MEGF11: variants seen among roughly 807,000 people sequenced by gnomAD.
The protein encoded by MEGF11 is multiple EGF like domains 11, also known as multiple epidermal growth factor-like domains protein 11.
MEGF11 carries 126 observed loss-of-function variants against 146.6 expected under a neutral mutation model. That is an observed-to-expected ratio of 0.86 (90% CI 0.74 to 1.00). The LOEUF (loss-of-function observed/expected upper bound fraction) is 1.00, where lower values mean the gene tolerates loss of function less well. MEGF11 is among the 50% of genes least tolerant of loss of function. The pLI, the probability that MEGF11 is intolerant of heterozygous loss-of-function variation, is 0.00. For synonymous variants in MEGF11, 532 were observed against 583.4 expected, an observed-to-expected ratio of 0.91 and a Z score of 1.27; for missense variants, 1,509 against 1,521.2, an observed-to-expected ratio of 0.99 and a Z score of 0.13.
intron 8 of MEGF11, among the ~76,000 whole-genome samples, chr15:65,969,779 A>G (rs1046405189): frequency 6.6e-6 from 1 of 152,098 alleles, no homozygotes; most frequent in African/African-American, 2.4e-5. Flanking sequence ...ATCCCCACAG[A>G]ACCAGGCATG....
intron 5 of MEGF11, among the ~76,000 whole-genome samples, chr15:65,985,114 A>G (rs2081808104): frequency 6.6e-6 from 1 of 152,208 alleles, no homozygotes; most frequent in South Asian, 2.1e-4. Flanking sequence ...GCACCATCCT[A>G]GAAGTGCTAC....
At chr15:65,921,374 C>T (rs913191490) in intron 15 of MEGF11, among the ~76,000 whole-genome samples, 6 of 152,226 alleles carry the variant, frequency 3.9e-5, no homozygotes, top group Non-Finnish European at 8.8e-5. Flanking sequence ...AGCCTACCTT[C>T]TGAGCCCCAT....
chr15:66,209,848 T>C (rs2091399532), intron 1 of MEGF11, among the ~76,000 whole-genome samples: 1 of 151,594 alleles, frequency 6.6e-6, no homozygotes, highest in Admixed American at 6.6e-5. Flanking sequence ...TTTTTTCCTC[T>C]CTTCTCATTG....
At chr15:66,172,901 G>A (rs2090298541) in intron 1 of MEGF11, among the ~76,000 whole-genome samples, 1 of 152,158 alleles carries the variant, frequency 6.6e-6, no homozygotes, top group African/African-American at 2.4e-5. Flanking sequence ...TCTGTCTAAT[G>A]AGACTTCACC....
chr15:66,105,191 C>CAA (rs2140804129), intron 4 of MEGF11, among the ~76,000 whole-genome samples: 1 of 152,272 alleles, frequency 6.6e-6, no homozygotes, highest in African/African-American at 2.4e-5. Context: ...GCCACTCCTA[C>CAA]AAAGCCACAG....
intron 5 of MEGF11, among the ~76,000 whole-genome samples, chr15:66,066,873 G>GGA (rs534541682): frequency 8.3e-4 from 127 of 152,260 alleles, no homozygotes; most frequent in African/African-American, 2.9e-3. Context: ...CCAGCAATCA[G>GGA]GAGAGAGAGA....
intron 4 of MEGF11, among the ~76,000 whole-genome samples, chr15:66,115,534 T>C (rs1245089909): frequency 6.6e-6 from 1 of 152,212 alleles, no homozygotes; most frequent in Non-Finnish European, 1.5e-5. Flanking sequence ...TCAGATTTCC[T>C]ATGTTAAAGT....
At chr15:66,139,920 C>T (rs1178568042) in intron 1 of MEGF11, among the ~76,000 whole-genome samples, 3 of 152,186 alleles carry the variant, frequency 2.0e-5, no homozygotes, top group Admixed American at 6.5e-5. Flanking sequence ...ACAGGCCACC[C>T]TGAGCACCAG....
chr15:66,223,340 G>C (rs2091779260), intron 1 of MEGF11, among the ~76,000 whole-genome samples: 1 of 152,050 alleles, frequency 6.6e-6, no homozygotes, highest in Admixed American at 6.5e-5. Flanking sequence ...CTGGGGGAGG[G>C]GAAATGGGGA....
At chr15:65,907,957 G>A (rs902278821) in intron 23 of MEGF11, among the ~76,000 whole-genome samples, 1 of 152,264 alleles carries the variant, frequency 6.6e-6, no homozygotes, top group African/African-American at 2.4e-5. Context: ...GTAAAGCAGG[G>A]AGAAATCTGG....
intron 5 of MEGF11, among the ~76,000 whole-genome samples, chr15:66,039,420 G>A (rs953838820): frequency 2.6e-5 from 4 of 152,186 alleles, no homozygotes; most frequent in African/African-American, 7.2e-5. Context: ...TACGGGAAGA[G>A]GGAAGAGAGT....
intron 3 of MEGF11, among the ~76,000 whole-genome samples, chr15:66,123,007 T>C (rs2088124618): frequency 6.6e-6 from 1 of 152,024 alleles, no homozygotes; most frequent in South Asian, 2.1e-4. Context: ...ATGATCTCGT[T>C]CTCCTGACCT....
chr15:66,239,069 T>C (rs745564396), intron 1 of MEGF11, among the ~76,000 whole-genome samples: 4 of 152,156 alleles, frequency 2.6e-5, no homozygotes, highest in Non-Finnish European at 2.9e-5. Context: ...GTCACCTGCT[T>C]TTAAATGGCA....
intron 13 of MEGF11, among the ~76,000 whole-genome samples, chr15:65,927,184 A>G (rs924606830): frequency 2.6e-5 from 4 of 152,200 alleles, no homozygotes; most frequent in Non-Finnish European, 5.9e-5. Context: ...AGCACTTACT[A>G]TGTGCCAGGC....
intron 4 of MEGF11, among the ~76,000 whole-genome samples, chr15:66,110,015 G>A (rs2087308446): frequency 6.6e-6 from 1 of 152,166 alleles, no homozygotes; most frequent in African/African-American, 2.4e-5. Context: ...AGGGTGCAGA[G>A]GGGCCCCGGG....
chr15:66,215,430 AT>A (rs1186854932), intron 1 of MEGF11, among the ~76,000 whole-genome samples: 2 of 152,200 alleles, frequency 1.3e-5, no homozygotes, highest in Non-Finnish European at 2.9e-5. Context: ...TTCTTACCAA[AT>A]AAACTGTCAC....
In MEGF11 at chr15:66,172,360, C is replaced by T. The variant is rs529570713; in HGVS notation, c.-8-43949G>A. ...ATTGTCCACTCACCCCTCACATTCACGGCCCTGCCTGCTCCGTGGCCTGGT... is the reference window on the plus strand; with the variant it reads ...ATTGTCCACTCACCCCTCACATTCATGGCCCTGCCTGCTCCGTGGCCTGGT... On this transcript the variant is annotated intron_variant, in intron 1 of 25. Coordinates refer to ENST00000395614, the MANE Select transcript of MEGF11 (RefSeq NM_001385028.1). Among the ~76,000 whole-genome samples the T allele has an allele frequency of 8.5e-5, 13 of 152,340 alleles. 2 individuals are homozygous for T. Among genetic ancestry groups the T allele is most frequent in the South Asian group, 2.1e-4 (1 of 4,826 alleles).
At chr15:66,187,422 G>A (rs1303576460) in intron 1 of MEGF11, among the ~76,000 whole-genome samples, 3 of 152,188 alleles carry the variant, frequency 2.0e-5, no homozygotes, top group Admixed American at 1.3e-4. Flanking sequence ...GTGGCTCAGT[G>A]GCTGAGCCCA....
chr15:66,119,291 C>T (rs899306781), intron 3 of MEGF11, 105 bp from the exon 4 acceptor site: 4 of 757,934 alleles, frequency 5.3e-6, no homozygotes, highest in Admixed American at 5.3e-5. Context: ...TCAATAATTA[C>T]TTTAAAATGC....
Sources: gnomAD v4.1 joint callset for allele counts (sites outside exome capture counted in the v4.1 genomes callset) on GRCh38, gnomAD v4.1.1 for gene constraint, MANE v1.5 for transcripts, NCBI Gene and HGNC (gene_info 2026-07-23, HGNC 2026-07-21) for gene names.